Variants in RARS2 observed in about 807,000 individuals in gnomAD.
RARS2 encodes probable arginine--tRNA ligase, mitochondrial.
RARS2 carries 67 observed loss-of-function variants against 88.5 expected under a neutral mutation model. The observed-to-expected ratio is 0.76, with a 90% CI of 0.62 to 0.93. The LOEUF (loss-of-function observed/expected upper bound fraction) is 0.93, where lower values mean the gene tolerates loss of function less well. Ranked by LOEUF, RARS2 falls within the 40% of genes least tolerant of loss-of-function variation. RARS2 has a pLI of 0.00. For synonymous variants in RARS2, 239 were observed against 230.3 expected (o/e 1.04, Z -0.34); for missense variants, 664 against 684.2 (o/e 0.97, Z 0.33).
At chr6:87,561,185 C>T (rs997777022) in intron 4 of RARS2, among the ~76,000 whole-genome samples, 82 of 152,220 alleles carry the variant, frequency 5.4e-4, no homozygotes, top group African/African-American at 1.9e-3. Flanking sequence ...TCAGAGTAGT[C>T]TCAGCTATGT....
chr6:87,560,803 G>A (rs1346783546), intron 4 of RARS2, among the ~76,000 whole-genome samples: 3 of 152,146 alleles, frequency 2.0e-5, no homozygotes, highest in Non-Finnish European at 2.9e-5. Flanking sequence ...CAGGAGAATC[G>A]CTTGAACCCG....
intron 1 of RARS2, among the ~76,000 whole-genome samples, chr6:87,587,657 C>G (rs1162253741): frequency 1.3e-5 from 2 of 152,152 alleles, no homozygotes; most frequent in African/African-American, 2.4e-5. Flanking sequence ...TCAACTGACT[C>G]AATTATATAA....
At chr6:87,562,679 G>T in intron 4 of RARS2, 23 bp downstream of exon 4, 1 of 1,541,660 alleles carries the variant, frequency 6.5e-7, no homozygotes, top group Non-Finnish European at 9.0e-7. Flanking sequence ...AAGCACAATG[G>T]CTGGATATTA....
chr6:87,520,837 G>T (rs1435020671), intron 12 of RARS2, among the ~76,000 whole-genome samples: 3 of 152,200 alleles, frequency 2.0e-5, no homozygotes, highest in Admixed American at 2.0e-4. Context: ...GCTGCCAGGG[G>T]TTAGGATTGG....
chr6:87,581,570 C>T (rs2128220832), intron 1 of RARS2, among the ~76,000 whole-genome samples: 1 of 152,264 alleles, frequency 6.6e-6, no homozygotes, highest in Admixed American at 6.5e-5. Flanking sequence ...ATTTGGAAGG[C>T]AAATTATGAC....
At chr6:87,569,356 A>AAC (rs1768895687) in intron 2 of RARS2, among the ~76,000 whole-genome samples, 161 bp downstream of exon 2, 3 of 152,200 alleles carry the variant, frequency 2.0e-5, no homozygotes, top group African/African-American at 7.2e-5. Context: ...TTTATTATTT[A>AAC]AGTCAACAGG....
At chr6:87,583,873 C>T (rs1774341530) in intron 1 of RARS2, among the ~76,000 whole-genome samples, 1 of 152,082 alleles carries the variant, frequency 6.6e-6, no homozygotes, top group South Asian at 2.1e-4. Context: ...GGATACAATA[C>T]AAATAGCAAT....
At chr6:87,545,511 A>T (rs1782352913) in intron 7 of RARS2, 105 bp downstream of exon 7, 5 of 1,472,334 alleles carry the variant, frequency 3.4e-6, no homozygotes, top group Non-Finnish European at 4.6e-6. Context: ...TAGGTAGGAC[A>T]TACTACTTCA....
At chr6:87,516,966 T>C (rs1771963971) in intron 17 of RARS2, 86 bp from the exon 18 acceptor site, 1 of 1,574,662 alleles carries the variant, frequency 6.4e-7, no homozygotes, top group South Asian at 1.1e-5. Flanking sequence ...GAATATAAGG[T>C]TGACTCGACA....
intron 4 of RARS2, among the ~76,000 whole-genome samples, chr6:87,559,546 A>G (rs940318884): frequency 3.3e-5 from 5 of 151,552 alleles, no homozygotes; most frequent in African/African-American, 9.7e-5. Context: ...GATCCTGTAC[A>G]GCAGTGTTAT....
chr6:87,571,165 G>A (rs1769566980), intron 1 of RARS2, among the ~76,000 whole-genome samples: 1 of 125,918 alleles, frequency 7.9e-6, no homozygotes, highest in Admixed American at 8.8e-5. Context: ...CTGAATCATG[G>A]GGTGGTTTCC....
chr6:87,541,620 T>C (rs1207229864), intron 8 of RARS2, among the ~76,000 whole-genome samples: 1 of 152,108 alleles, frequency 6.6e-6, no homozygotes, highest in Non-Finnish European at 1.5e-5. Flanking sequence ...GGTCAGGAGT[T>C]TGAGACCTGC....
chr6:87,572,853 T>G (rs1770212033), intron 1 of RARS2, among the ~76,000 whole-genome samples: 1 of 152,188 alleles, frequency 6.6e-6, no homozygotes, highest in African/African-American at 2.4e-5. Context: ...TACTTAACGC[T>G]TCTTGGCAAT....
Position 87,562,771 on chromosome 6 carries a change from T to C in RARS2, c.228A>G (p.Thr76=), listed in dbSNP as rs778802678. The stretch of plus-strand genomic sequence containing the variant: ...GACCAGTACTGATTTCACTCACCAC[T>C]GTATCACATCTTAGCTGAAAAGAAC... The part of the protein sequence containing the change: ...KRLAEKLRCD[T]VVSEISTGQR... Residue 76 remains threonine (T), a synonymous_variant, in exon 4 of 20, where the codon ACA becomes ACG. Transcript: ENST00000369536. The C allele has an allele frequency of 6.2e-7, 1 of 1,613,218 alleles. No individual in the cohort carries two copies. Among genetic ancestry groups the C allele is most frequent in the South Asian group, 1.1e-5 (1 of 91,062 alleles).
At chr6:87,576,634 G>C (rs928100920) in intron 1 of RARS2, among the ~76,000 whole-genome samples, 1 of 152,004 alleles carries the variant, frequency 6.6e-6, no homozygotes, top group Non-Finnish European at 1.5e-5. Context: ...GCCAGAGATG[G>C]GTACTCTCGG....
rs749630029 is a variant in RARS2 at position 87,562,701 on chromosome 6, C to A, written c.297+1G>T. 5 of 1,597,524 alleles carry A rather than the reference C, an allele frequency of 3.1e-6. No individual in the cohort carries two copies. The highest frequency in any genetic ancestry group is 4.3e-6 in the Non-Finnish European group (5 of 1,164,994). On this transcript the variant is annotated splice_donor_variant, in intron 4 of 19. Transcript: ENST00000369536. LOFTEE classifies it high-confidence loss of function. Reference sequence around the variant, plus strand: ...ATGGCTGGATATTAACTTATTCTTACCTTTGTTAAGAGCTCTCTGTTTATT... The same window carrying A: ...ATGGCTGGATATTAACTTATTCTTAACTTTGTTAAGAGCTCTCTGTTTATT...
intron 1 of RARS2, among the ~76,000 whole-genome samples, chr6:87,586,695 G>C (rs546832654): frequency 1.3e-5 from 2 of 152,290 alleles, no homozygotes; most frequent in South Asian, 4.1e-4. Context: ...ATTTGCCATT[G>C]CACGTTACAC....
intron 8 of RARS2, among the ~76,000 whole-genome samples, chr6:87,534,304 T>C (rs886496008): frequency 2.0e-5 from 3 of 152,198 alleles, no homozygotes; most frequent in Non-Finnish European, 1.5e-5. Context: ...CTTAATACAT[T>C]AGTAGTAGGA....
chr6:87,518,967 T>C, intron 14 of RARS2, 76 bp from the exon 15 acceptor site: 1 of 1,355,656 alleles, frequency 7.4e-7, no homozygotes, highest in Admixed American at 1.7e-5. Context: ...AGGTAACATC[T>C]GCCAAAAATG....
Sources: allele counts gnomAD v4.1 joint callset (sites outside exome capture counted in the v4.1 genomes callset), GRCh38; gene constraint gnomAD v4.1.1; transcripts MANE v1.5; gene names NCBI Gene and HGNC (gene_info 2026-07-23, HGNC 2026-07-21).